Variants in TLK1 observed in about 807,000 individuals in gnomAD.
The protein encoded by TLK1 is serine/threonine-protein kinase tousled-like 1.
TLK1 carries 24 observed loss-of-function variants against 105.3 expected under a neutral mutation model. The observed-to-expected ratio is 0.23, with a 90% CI of 0.17 to 0.32. The LOEUF (loss-of-function observed/expected upper bound fraction) is 0.32, where lower values mean the gene tolerates loss of function less well. Ranked by LOEUF, TLK1 falls within the 10% of genes least tolerant of loss-of-function variation. The pLI, the probability that TLK1 is intolerant of heterozygous loss-of-function variation, is 1.00. For missense variants in TLK1, 558 were observed against 910.5 expected, an observed-to-expected ratio of 0.61 and a Z score of 4.98; for synonymous variants, 321 against 310.4, an observed-to-expected ratio of 1.03 and a Z score of -0.36.
At chr2:171,084,516 A>G (rs774994706) in intron 2 of TLK1, among the ~76,000 whole-genome samples, 1 of 152,234 alleles carries the variant, frequency 6.6e-6, no homozygotes, top group African/African-American at 2.4e-5. Flanking sequence ...GCGTGCCTAA[A>G]AACAGCAGTA....
chr2:171,179,963 C>T (rs1216231415), intron 1 of TLK1, among the ~76,000 whole-genome samples: 1 of 151,906 alleles, frequency 6.6e-6, no homozygotes, highest in Admixed American at 6.6e-5. Flanking sequence ...GGTGTGGTGG[C>T]ATGTGGCTGT....
chr2:171,066,706 G>T, intron 3 of TLK1: 3 of 862,990 alleles, frequency 3.5e-6, no homozygotes, highest in Non-Finnish European at 5.2e-6. Flanking sequence ...GATTTTGTCT[G>T]TTATTTTCTT....
chr2:171,053,252 A>C (rs1687326997), intron 8 of TLK1, among the ~76,000 whole-genome samples: 1 of 152,174 alleles, frequency 6.6e-6, no homozygotes, highest in East Asian at 1.9e-4. Context: ...GTTCTCCAAC[A>C]GTTTCTCAAT....
Position 171,075,836 on chromosome 2 carries a change from G to A in TLK1, c.330+6945C>T, listed in dbSNP as rs1172700985. 2.0e-5 allele frequency among the ~76,000 whole-genome samples: 3 copies of A among 152,286 alleles called. No homozygotes were observed. The East Asian group carries it at 5.8e-4, about 29-fold the overall frequency. On this transcript the variant is annotated intron_variant, in intron 3 of 20. Transcript: ENST00000431350. ...AGCATCTTGGGCTTAGGTATAGACA[G>A]CAACTGTACAGAATCTGAAGGTGCT...
At chr2:171,193,648 G>A (rs577507644) in intron 1 of TLK1, among the ~76,000 whole-genome samples, 3 of 146,550 alleles carry the variant, frequency 2.0e-5, no homozygotes, top group Non-Finnish European at 3.0e-5. Context: ...TGATCCGCCC[G>A]CCTCAGCCTC....
At chr2:171,198,951 G>C (rs1437461276) in intron 1 of TLK1, among the ~76,000 whole-genome samples, 1 of 151,990 alleles carries the variant, frequency 6.6e-6, no homozygotes, top group African/African-American at 2.4e-5. Flanking sequence ...TCACATTTTT[G>C]GTAATATATA....
At position 171,151,755 on chromosome 2, in the gene TLK1, G is replaced by A. The variant is rs371428070; in HGVS notation, c.139+8535C>T. Among the ~76,000 whole-genome samples the A allele has an allele frequency of 1.2e-4, 18 of 152,226 alleles. 1 individual carries two copies. Among genetic ancestry groups the A allele is most frequent in the East Asian group, 7.7e-4 (4 of 5,186 alleles). ...CTCCCAAAGTGCTGGGATTACAGGC[G>A]TGAGCCACCGCGCCCAGCCATGTGT... On this transcript the variant is annotated intron_variant, in intron 1 of 20. Transcript: ENST00000431350.
intron 1 of TLK1, among the ~76,000 whole-genome samples, chr2:171,143,377 T>C (rs1338942315): frequency 6.6e-6 from 1 of 151,686 alleles, no homozygotes; most frequent in Non-Finnish European, 1.5e-5. Context: ...TGGTGGCACA[T>C]GCCTGTAATC....
chr2:171,093,172 TAA>T lies in TLK1; in HGVS notation c.259-10322_259-10321del, dbSNP rs1558937877. Among the ~76,000 whole-genome samples, 3 of 152,314 alleles carry T rather than the reference TAA, an allele frequency of 2.0e-5. No individual in the cohort carries two copies. The East Asian group carries it at 5.8e-4, about 29-fold the overall frequency. Reference sequence around the variant, plus strand: ...ATTCCCCCAAAATTGAGGACATAACTAAAGAGTAGACACAGAGCTAAGTGCTG... The same window carrying T: ...ATTCCCCCAAAATTGAGGACATAACTAGAGTAGACACAGAGCTAAGTGCTG... On this transcript the variant is annotated intron_variant, in intron 2 of 20. Transcript: ENST00000431350.
chr2:171,014,906 C>T lies in TLK1; in HGVS notation c.1279G>A (p.Val427Ile), dbSNP rs144233945. ...AGCTCACGTATGTGAAGATTTCTGA[C>T]TCTTTCCAAACGTTCAAGTTCTGCC... The part of the protein sequence containing the change: ...IQAELERLER[V>I]RNLHIRELKR... Residue 427 changes from valine (V) to isoleucine (I), a missense_variant, in exon 13 of 21, where the codon GTC (valine) becomes ATC (isoleucine). Coordinates refer to ENST00000431350, the MANE Select transcript of TLK1 (RefSeq NM_012290.5). The T allele has an allele frequency of 4.7e-4, 758 of 1,613,980 alleles. 2 individuals are homozygous for T. The highest frequency in any genetic ancestry group is 1.0e-3 in the Admixed American group (61 of 60,008).
intron 20 of TLK1, 119 bp downstream of exon 20, chr2:170,996,534 C>A: frequency 2.8e-6 from 2 of 724,460 alleles, no homozygotes; most frequent in Non-Finnish European, 4.5e-6. Flanking sequence ...CCCTGCTGGA[C>A]AGATCCCCTG....
chr2:171,027,474 C>G (rs535878418), intron 12 of TLK1, among the ~76,000 whole-genome samples: 28 of 152,270 alleles, frequency 1.8e-4, no homozygotes, highest in African/African-American at 6.7e-4. Flanking sequence ...TAGAAAGATA[C>G]ACATTATTTA....
chr2:171,066,990 G>A lies in TLK1; in HGVS notation c.331-5834C>T, dbSNP rs1688028382. ...GCTTGTAATAGTCAAATTCAGAGCT[G>A]TGGTCTCACAACTTTTGACCCATTG... is the stretch of plus-strand genomic sequence containing the variant. On this transcript the variant is annotated intron_variant, in intron 3 of 20. Coordinates refer to ENST00000431350, the MANE Select transcript of TLK1 (RefSeq NM_012290.5). 2.6e-6 allele frequency: 4 copies of A among 1,518,034 alleles called. No homozygotes were observed. In the East Asian group the frequency reaches 9.8e-5, roughly 37 times the overall value. The allele number at this position is 1,518,034 out of a possible 1,614,324, so 94.0% of individuals were successfully genotyped here.
At chr2:171,098,083 G>A (rs929066328) in intron 2 of TLK1, among the ~76,000 whole-genome samples, 8 of 152,110 alleles carry the variant, frequency 5.3e-5, no homozygotes, top group South Asian at 2.1e-4. Flanking sequence ...AGAGTACAAC[G>A]ATGGTTGCCA....
intron 3 of TLK1, among the ~76,000 whole-genome samples, chr2:171,080,544 A>AAATAATAAT (rs71008747): frequency 0.18 from 26,758 of 144,860 alleles, 3,023 homozygotes; most frequent in Non-Finnish European, 0.26. Flanking sequence ...AGATACACTA[A>AAATAATAAT]AATAATAATA....
intron 1 of TLK1, among the ~76,000 whole-genome samples, chr2:171,207,348 G>A (rs1042809159): frequency 6.6e-6 from 1 of 152,204 alleles, no homozygotes; most frequent in Admixed American, 6.5e-5. Flanking sequence ...AAGTCAAAAC[G>A]AGGGAGACAT....
chr2:171,015,719 ACACACACACACACC>A (rs752307607), intron 12 of TLK1, among the ~76,000 whole-genome samples: 19,940 of 67,834 alleles, frequency 0.29, 1,739 homozygotes, highest in Non-Finnish European at 0.34. Flanking sequence ...ACACACACAC[ACACACACACACACC>A]CACCCCTTTT....
chr2:171,068,401 G>A (rs1246844791), intron 3 of TLK1, among the ~76,000 whole-genome samples: 1 of 152,134 alleles, frequency 6.6e-6, no homozygotes, highest in Non-Finnish European at 1.5e-5. Context: ...GTAACTCCTA[G>A]GTTCAAGTGA....
intron 1 of TLK1, among the ~76,000 whole-genome samples, chr2:171,152,734 G>C (rs774954338): frequency 6.6e-6 from 1 of 152,100 alleles, no homozygotes; most frequent in Non-Finnish European, 1.5e-5. Flanking sequence ...AGACTGCTCC[G>C]ATACTGACAG....
Sources: gnomAD v4.1 joint callset for allele counts (sites outside exome capture counted in the v4.1 genomes callset) on GRCh38, gnomAD v4.1.1 for gene constraint, MANE v1.5 for transcripts, NCBI Gene and HGNC (gene_info 2026-07-23, HGNC 2026-07-21) for gene names.